LARP1B: variants seen among roughly 807,000 people sequenced by gnomAD.
LARP1B encodes the protein La ribonucleoprotein 1B.
A neutral mutation model predicts 114.2 loss-of-function variants in LARP1B; 76 were observed. That is an observed-to-expected ratio of 0.67 (90% CI 0.55 to 0.81). The LOEUF (loss-of-function observed/expected upper bound fraction) is 0.81. Among genes scored for constraint, LARP1B ranks in the 30% least tolerant of loss-of-function variants. The pLI, the probability that LARP1B is intolerant of heterozygous loss-of-function variation, is 0.00. For missense variants in LARP1B, 1,014 were observed against 1,075.8 expected (o/e 0.94, Z 0.80); for synonymous variants, 345 against 348.0 (o/e 0.99, Z 0.10).
chr4:128,151,667 A>G (rs1282092063), intron 11 of LARP1B, among the ~76,000 whole-genome samples: 1 of 151,494 alleles, frequency 6.6e-6, no homozygotes, highest in East Asian at 1.9e-4. Context: ...CAATGGCGTG[A>G]TCTCGGCTCA....
chr4:128,124,561 A>G (rs1028454582), intron 11 of LARP1B, among the ~76,000 whole-genome samples: 1 of 152,222 alleles, frequency 6.6e-6, no homozygotes, highest in Non-Finnish European at 1.5e-5. Flanking sequence ...GAGTTTATCT[A>G]AAGTTCAAAT....
chr4:128,135,146 A>AAATAAAT (rs1561360246), intron 11 of LARP1B, among the ~76,000 whole-genome samples: 2 of 143,836 alleles, frequency 1.4e-5, no homozygotes, highest in East Asian at 4.3e-4. Context: ...AATAAATAAA[A>AAATAAAT]AGGATAACAA....
In LARP1B at chr4:128,155,354, C is replaced by T. The variant is rs192334316; in HGVS notation, c.1525-6840C>T. 259 of 543,472 alleles carry T rather than the reference C, an allele frequency of 4.8e-4. 2 individuals carry two copies. The Admixed American group carries it at 6.2e-3, about 13-fold the overall frequency. 33.7% of individuals were successfully genotyped at this position (543,472 alleles called of 1,614,324 possible). On this transcript the variant is annotated intron_variant, in intron 11 of 19. Coordinates refer to ENST00000326639, the MANE Select transcript of LARP1B (RefSeq NM_018078.4). Reference sequence around the variant, plus strand: ...ATCTGGAAAGAGAGTCGGAAGCCAGCGGCCGTGGACCACGCGGAGCCGCCA... The same window carrying T: ...ATCTGGAAAGAGAGTCGGAAGCCAGTGGCCGTGGACCACGCGGAGCCGCCA...
intron 11 of LARP1B, among the ~76,000 whole-genome samples, chr4:128,132,722 G>A (rs1036167265): frequency 6.6e-6 from 1 of 151,970 alleles, no homozygotes; most frequent in East Asian, 1.9e-4. Flanking sequence ...TGATACCAGA[G>A]ACTAATTTTA....
chr4:128,065,294 TTTCTTTC>T (rs1184370970), intron 1 of LARP1B, among the ~76,000 whole-genome samples: 2 of 136,204 alleles, frequency 1.5e-5, no homozygotes, highest in East Asian at 4.1e-4. Flanking sequence ...TCTTTCTTTC[TTTCTTTC>T]TTTCTTTCTT....
chr4:128,098,030 T>TA (rs1778712833), intron 7 of LARP1B, among the ~76,000 whole-genome samples, 156 bp from the exon 8 acceptor site: 2 of 152,240 alleles, frequency 1.3e-5, no homozygotes. Context: ...CTATCTTATA[T>TA]GTTTACCCTA....
At chr4:128,180,664 T>A (rs1192171462) in intron 15 of LARP1B, among the ~76,000 whole-genome samples, 2 of 152,204 alleles carry the variant, frequency 1.3e-5, no homozygotes, top group African/African-American at 4.8e-5. Context: ...ATGAAGGACA[T>A]CTTGTCTTTG....
At chr4:128,062,191 A>C (rs1760406579) in intron 1 of LARP1B, 19 of 984,966 alleles carry the variant, frequency 1.9e-5, no homozygotes, top group Middle Eastern at 1.0e-3. Flanking sequence ...CAGGTCCGCC[A>C]CCGCCCCCGC....
At chr4:128,213,154 G>A (rs1433096970), downstream of LARP1B, among the ~76,000 whole-genome samples, 1 of 152,002 alleles carries the variant, frequency 6.6e-6, no homozygotes, top group African/African-American at 2.4e-5. Context: ...CTGACCTCAG[G>A]TGATCCACCT....
chr4:128,156,174 C>T (rs1054062556), intron 11 of LARP1B: 94 of 1,609,930 alleles, frequency 5.8e-5, no homozygotes, highest in African/African-American at 5.7e-4. Flanking sequence ...CCTCTGACCC[C>T]CTTGGCTCTC....
intron 9 of LARP1B, chr4:128,107,543 A>G (rs1242757322): frequency 7.3e-7 from 1 of 1,378,750 alleles, no homozygotes; most frequent in South Asian, 1.6e-5. Context: ...TTCTTAAATT[A>G]TATGTGTACT....
intron 5 of LARP1B, 55 bp from the exon 6 acceptor site, chr4:128,090,946 C>T: frequency 7.5e-7 from 1 of 1,328,572 alleles, no homozygotes; most frequent in Non-Finnish European, 1.0e-6. Context: ...TAAAGACAAT[C>T]ATGTTATTTT....
chr4:128,159,626 C>T (rs1347216574), intron 11 of LARP1B, among the ~76,000 whole-genome samples: 1 of 152,180 alleles, frequency 6.6e-6, no homozygotes, highest in East Asian at 1.9e-4. Flanking sequence ...ATGAACCTAC[C>T]TAGATGCATC....
At chr4:128,168,851 T>C (rs994133652) in intron 12 of LARP1B, among the ~76,000 whole-genome samples, 1 of 152,096 alleles carries the variant, frequency 6.6e-6, no homozygotes, top group East Asian at 1.9e-4. Flanking sequence ...AGTTGGTAAG[T>C]GTTCCTTCTT....
In LARP1B at chr4:128,062,063, G is replaced by C. The variant is rs990280926; in HGVS notation, c.-78+662G>C. On this transcript the variant is annotated intron_variant, in intron 1 of 19. Coordinates refer to ENST00000326639, the MANE Select transcript of LARP1B (RefSeq NM_018078.4). Reference sequence around the variant, plus strand: ...GCCGTTGCTGCGGGATCCGCCGGCCGAGGACGCCCGGGAAGAGGTGGCAGC... The same window carrying C: ...GCCGTTGCTGCGGGATCCGCCGGCCCAGGACGCCCGGGAAGAGGTGGCAGC... 5.1e-6 allele frequency: 5 copies of C among 985,266 alleles called. No individual in the cohort carries two copies. The African/African-American group carries it at 8.7e-5, about 17-fold the overall frequency. The allele number at this position is 985,266 out of a possible 1,614,324, so 61.0% of individuals were successfully genotyped here.
chr4:128,207,371 C>A lies in LARP1B; in HGVS notation c.2535C>A (p.Asp845Glu), dbSNP rs1370764850. 1.8e-5 allele frequency: 27 copies of A among 1,513,740 alleles called. No homozygotes were observed. The highest frequency in any genetic ancestry group is 2.4e-5 in the Non-Finnish European group (27 of 1,130,282). 93.8% of individuals were successfully genotyped at this position (1,513,740 alleles called of 1,614,324 possible). A position where few individuals can be genotyped will look rare whatever the true frequency, so the allele number is the denominator to read the frequency against. Residue 845 changes from aspartate (D) to glutamate (E), a missense_variant, in exon 19 of 20, where the codon GAC becomes GAA. Coordinates refer to ENST00000326639, the MANE Select transcript of LARP1B (RefSeq NM_018078.4). ...TCTGTAGTTTTAAGAGGTTAGAAGA[C>A]TTCCGTGTTGATGTAAGTTTTAAGT... The part of the protein sequence containing the change: ...EYLCSFKRLE[D>E]FRVDPPISDE...
intron 7 of LARP1B, among the ~76,000 whole-genome samples, chr4:128,096,010 T>TC (rs1258308679): frequency 6.6e-6 from 1 of 150,972 alleles, no homozygotes; most frequent in East Asian, 1.9e-4. Context: ...TTTTTTTTTT[T>TC]TGAGACGGAG....
rs1490583195 is a variant in LARP1B, at chr4:128,061,703, C to T, written c.-78+302C>T. Reference sequence around the variant, plus strand: ...CTGGGGCAGAGGGACGATGTCTACTCGCGCCCCGATGCCCGCCGCCCATTC... The same window carrying T: ...CTGGGGCAGAGGGACGATGTCTACTTGCGCCCCGATGCCCGCCGCCCATTC... On this transcript the variant is annotated intron_variant, in intron 1 of 19. Coordinates refer to ENST00000326639, the MANE Select transcript of LARP1B (RefSeq NM_018078.4). The T allele has an allele frequency of 6.1e-6, 6 of 984,772 alleles. No homozygotes were observed. The East Asian group carries it at 6.8e-4, about 112-fold the overall frequency. The allele number at this position is 984,772 out of a possible 1,614,324, so 61.0% of individuals were successfully genotyped here.
chr4:128,070,795 C>T (rs983514825), intron 1 of LARP1B, among the ~76,000 whole-genome samples: 2 of 150,164 alleles, frequency 1.3e-5, no homozygotes, highest in Non-Finnish European at 3.0e-5. Flanking sequence ...AACCCTATCT[C>T]AATTAAAAAA....
Sources: allele counts gnomAD v4.1 joint callset (sites outside exome capture counted in the v4.1 genomes callset), GRCh38; gene constraint gnomAD v4.1.1; transcripts MANE v1.5; gene names NCBI Gene and HGNC (gene_info 2026-07-23, HGNC 2026-07-21).